SLC33A1: variants seen among roughly 807,000 people sequenced by gnomAD.
SLC33A1 encodes the protein solute carrier family 33 member 1, also known as acetyl-coenzyme A transporter 1.
Under a neutral mutation model 50.0 loss-of-function variants are expected in SLC33A1, and 20 were observed. The ratio of observed to expected loss-of-function variants is 0.40; its 90% confidence interval spans 0.28 to 0.58. The LOEUF (loss-of-function observed/expected upper bound fraction) is 0.58. Among genes scored for constraint, SLC33A1 ranks in the 20% least tolerant of loss-of-function variants. The pLI is 0.44. For synonymous variants in SLC33A1, 265 were observed against 251.8 expected (o/e 1.05, Z -0.50); for missense variants, 476 against 657.0 (o/e 0.72, Z 3.01).
chr3:155,839,772 AC>A (rs1752851424), intron 2 of SLC33A1, among the ~76,000 whole-genome samples: 1 of 151,710 alleles, frequency 6.6e-6, no homozygotes, highest in South Asian at 2.1e-4. Context: ...ACATAGTGAA[AC>A]CCCGTCTCTT....
At chr3:155,845,264 A>G (rs1375558369) in intron 1 of SLC33A1, among the ~76,000 whole-genome samples, 1 of 140,016 alleles carries the variant, frequency 7.1e-6, no homozygotes, top group Non-Finnish European at 1.5e-5. Context: ...CTTGATACCA[A>G]TACCAAGAGA....
intron 1 of SLC33A1, among the ~76,000 whole-genome samples, chr3:155,848,306 C>A (rs1753261849): frequency 6.6e-6 from 1 of 152,172 alleles, no homozygotes; most frequent in South Asian, 2.1e-4. Flanking sequence ...CAGCTAAAGA[C>A]ATGTTTTTAT....
chr3:155,842,644 T>C (rs1045245439), intron 1 of SLC33A1, 25 bp from the exon 2 acceptor site: 3 of 1,213,992 alleles, frequency 2.5e-6, no homozygotes, highest in Non-Finnish European at 3.5e-6. Flanking sequence ...AATCTATAAT[T>C]AATTTTTAAA....
chr3:155,850,504 C>T (rs1560023354), intron 1 of SLC33A1, among the ~76,000 whole-genome samples: 1 of 152,160 alleles, frequency 6.6e-6, no homozygotes, highest in African/African-American at 2.4e-5. Context: ...GGTAAAACAT[C>T]ATTCCAGAGA....
At chr3:155,841,005 T>A (rs547439019) in intron 2 of SLC33A1, among the ~76,000 whole-genome samples, 17 of 151,244 alleles carry the variant, frequency 1.1e-4, no homozygotes, top group African/African-American at 4.1e-4. Context: ...ATATATATAT[T>A]GTTATGCTCC....
rs1398112514 is a variant in SLC33A1 at position 155,842,482 on chromosome 3, T to C, written c.913A>G (p.Ile305Val). The C allele has an allele frequency of 4.3e-6, 7 of 1,612,602 alleles. No individual in the cohort carries two copies. Among genetic ancestry groups the C allele is most frequent in the Middle Eastern group, 1.7e-4 (1 of 6,042 alleles). ...TDTYKLLFAI[I>V]KMPAVLTFCL... ...AATGTCAGAACTGCTGGCATTTTTA[T>C]AATTGCAAAAAGCAGCTTGTAAGTA... The change falls in exon 2 of 6, where the codon ATA becomes GTA. Residue 305 changes from isoleucine (I) to valine (V), a missense_variant. Physicochemically the swap from Ile to Val is conservative, Grantham distance 29. Transcript: ENST00000643144.
intron 1 of SLC33A1, among the ~76,000 whole-genome samples, chr3:155,844,443 ATATATATATATATATTTTTTTTTTTTT>A (rs1348047084): frequency 1.6e-3 from 16 of 10,038 alleles, no homozygotes; most frequent in African/African-American, 3.8e-3. Context: ...ATATATATAT[ATATATATATATATATTTTTTTTTTTTT>A]TTTTTTTTTT....
intron 2 of SLC33A1, among the ~76,000 whole-genome samples, chr3:155,835,175 T>A (rs1752596882): frequency 6.6e-6 from 1 of 152,160 alleles, no homozygotes; most frequent in African/African-American, 2.4e-5. Flanking sequence ...TACAAATTAC[T>A]CTAAAGTATT....
chr3:155,841,106 C>A (rs1752919581), intron 2 of SLC33A1, among the ~76,000 whole-genome samples: 1 of 151,766 alleles, frequency 6.6e-6, no homozygotes, highest in African/African-American at 2.4e-5. Flanking sequence ...GGCTCTGTTG[C>A]CCAGGCTGGA....
rs1441213946 is a variant in SLC33A1, at chr3:155,851,874, G to A, written c.775+1349C>T. On this transcript the variant is annotated intron_variant, in intron 1 of 5. Coordinates refer to ENST00000643144, the MANE Select transcript of SLC33A1 (RefSeq NM_004733.4). ...GTGGCTCACTCATTAGCAGTTTGAG[G>A]AGGTGTACATAAGGTTAGATGTCTG... 1.3e-5 allele frequency among the ~76,000 whole-genome samples: 2 copies of A among 152,180 alleles called. 1 individual carries two copies. The highest frequency in any genetic ancestry group is 2.9e-5 in the Non-Finnish European group (2 of 68,030).
At chr3:155,829,617 T>G in intron 5 of SLC33A1, 71 bp downstream of exon 5, 1 of 1,103,812 alleles carries the variant, frequency 9.1e-7, no homozygotes, top group Non-Finnish European at 1.4e-6. Flanking sequence ...ATATAGTACT[T>G]CTAGAGACAA....
At chr3:155,832,120 G>A (rs1013610005) in intron 4 of SLC33A1, among the ~76,000 whole-genome samples, 16 of 152,334 alleles carry the variant, frequency 1.1e-4, no homozygotes, top group South Asian at 6.2e-4. Context: ...GCTCATGCCT[G>A]TAATCCCAGC....
At chr3:155,831,059 A>AC (rs1217546202) in intron 4 of SLC33A1, among the ~76,000 whole-genome samples, 2 of 152,160 alleles carry the variant, frequency 1.3e-5, no homozygotes, top group African/African-American at 4.8e-5. Flanking sequence ...CTTTTGAAAT[A>AC]TTTACAACAT....
chr3:155,840,763 G>A (rs748795789), intron 2 of SLC33A1, among the ~76,000 whole-genome samples: 2 of 152,064 alleles, frequency 1.3e-5, no homozygotes, highest in African/African-American at 2.4e-5. Flanking sequence ...GCAGTAAGCC[G>A]AGATAGGGCC....
At chr3:155,836,280 CAAAAAAAAAAAAAAAAAAAAAA>C (rs57460942) in intron 2 of SLC33A1, among the ~76,000 whole-genome samples, 46 of 27,168 alleles carry the variant, frequency 1.7e-3, no homozygotes, top group Non-Finnish European at 2.2e-3. Flanking sequence ...GAGACTCTGT[CAAAAAAAAAAAAAAAAAAAAAA>C]AAAAAAAAAA....
intron 2 of SLC33A1, among the ~76,000 whole-genome samples, chr3:155,840,745 T>C: frequency 6.7e-6 from 1 of 149,968 alleles, no homozygotes; most frequent in Non-Finnish European, 1.5e-5. Context: ...ACCCGGGAGG[T>C]GGAGGTTGCA....
rs570106757 is a variant in SLC33A1 at position 155,848,894 on chromosome 3, T to C, written c.775+4329A>G. ...AACAATCAAAACTGTTAATTACAGATAGTATTTCATTTATTTTTTATTTAT... is the reference window on the plus strand; with the variant it reads ...AACAATCAAAACTGTTAATTACAGACAGTATTTCATTTATTTTTTATTTAT... On this transcript the variant is annotated intron_variant, in intron 1 of 5. Coordinates refer to ENST00000643144, the MANE Select transcript of SLC33A1 (RefSeq NM_004733.4). Among the ~76,000 whole-genome samples the C allele has an allele frequency of 8.5e-5, 13 of 152,262 alleles. No homozygotes were observed. In the South Asian group the frequency reaches 2.3e-3, roughly 27 times the overall value.
Position 155,842,607 on chromosome 3 carries a change from A to G in SLC33A1, c.788T>C (p.Phe263Ser). ...GIVTLSDFLF[F>S]WGTVFLITTT... ...TGTTATTAAAAATACAGTTCCCCAG[A>G]AAAAAAGGAAATCTGAAAATGTTTT... Residue 263 changes from phenylalanine (F) to serine (S), a missense_variant, in exon 2 of 6, where the codon TTC becomes TCC. Phe to Ser is a radical substitution (Grantham distance 155). Coordinates refer to ENST00000643144, the MANE Select transcript of SLC33A1 (RefSeq NM_004733.4). 6.5e-7 allele frequency: 1 copy of G among 1,533,254 alleles called. No homozygotes were observed. The highest frequency in any genetic ancestry group is 1.4e-5 in the African/African-American group (1 of 72,124). The allele number at this position is 1,533,254 out of a possible 1,614,324, so 95.0% of individuals were successfully genotyped here.
chr3:155,844,558 C>T (rs373719191), intron 1 of SLC33A1, among the ~76,000 whole-genome samples: 2 of 139,100 alleles, frequency 1.4e-5, no homozygotes, highest in South Asian at 2.4e-4. Flanking sequence ...CTCCACCTCT[C>T]GGGTTCAAGT....
Sources: gnomAD v4.1 joint callset for allele counts (sites outside exome capture counted in the v4.1 genomes callset) on GRCh38, gnomAD v4.1.1 for gene constraint, MANE v1.5 for transcripts, NCBI Gene and HGNC (gene_info 2026-07-23, HGNC 2026-07-21) for gene names.